Variants in SETBP1 observed in about 807,000 individuals in gnomAD.
SETBP1 encodes the protein SET-binding protein.
A neutral mutation model predicts 101.0 loss-of-function variants in SETBP1; 9 were observed. The ratio of observed to expected loss-of-function variants is 0.09; its 90% confidence interval spans 0.05 to 0.16. SETBP1 has a LOEUF of 0.16. Among genes scored for constraint, SETBP1 ranks in the 10% least tolerant of loss-of-function variants. The probability of loss-of-function intolerance (pLI) is 1.00; values close to 1 mark genes in which losing one functional copy is unlikely to be tolerated. For missense variants in SETBP1, 1,858 were observed against 2,033.8 expected, an observed-to-expected ratio of 0.91 and a Z score of 1.66; for synonymous variants, 818 against 788.5, an observed-to-expected ratio of 1.04 and a Z score of -0.63.
chr18:44,910,298 T>C (rs2070276496), intron 3 of SETBP1, among the ~76,000 whole-genome samples: 1 of 152,150 alleles, frequency 6.6e-6, no homozygotes. Flanking sequence ...GACTGACTCA[T>C]TCAAGAGATG....
chr18:45,056,551 TTGTC>T (rs1385833728), intron 5 of SETBP1, among the ~76,000 whole-genome samples: 1 of 152,188 alleles, frequency 6.6e-6, no homozygotes, highest in Non-Finnish European at 1.5e-5. Flanking sequence ...GCTCAGTAAA[TTGTC>T]TGGCTTCCTC....
chr18:44,826,766 G>A (rs2072248786), intron 2 of SETBP1, among the ~76,000 whole-genome samples: 1 of 152,124 alleles, frequency 6.6e-6, no homozygotes, highest in African/African-American at 2.4e-5. Flanking sequence ...CGGGTGGGGA[G>A]GAGTAGTGAA....
At chr18:44,891,634 C>A (rs1291415976) in intron 3 of SETBP1, among the ~76,000 whole-genome samples, 1 of 114,794 alleles carries the variant, frequency 8.7e-6, no homozygotes, top group African/African-American at 3.2e-5. Context: ...TGCAAATGTT[C>A]TATTCCTGAA....
At chr18:44,788,790 A>ATTTTTTTTTTTTTTTTTTTTTTTTTTTT (rs34929410) in intron 2 of SETBP1, among the ~76,000 whole-genome samples, 3 of 80,434 alleles carry the variant, frequency 3.7e-5, no homozygotes, top group Non-Finnish European at 2.2e-5. Context: ...TTCCTTTTTA[A>ATTTTTTTTTTTTTTTTTTTTTTTTTTTT]TTTTTTTTTT....
At position 44,722,426 on chromosome 18, in the gene SETBP1, C is replaced by T. The variant is rs147146701; in HGVS notation, c.486+20594C>T. On this transcript the variant is annotated intron_variant, in intron 2 of 5. Transcript: ENST00000649279. ...TGGTGTGTGTGAGCAAGAGGCAGAACGTATTTAGGGCAGCTTGTTATAAGC... is the reference window on the plus strand; with the variant it reads ...TGGTGTGTGTGAGCAAGAGGCAGAATGTATTTAGGGCAGCTTGTTATAAGC... Among the ~76,000 whole-genome samples the T allele has an allele frequency of 2.1e-3, 323 of 152,174 alleles. 3 individuals are homozygous for T. Among genetic ancestry groups the T allele is most frequent in the African/African-American group, 7.7e-3 (320 of 41,522 alleles).
chr18:44,971,721 T>C (rs929205990), intron 4 of SETBP1, among the ~76,000 whole-genome samples: 10 of 152,096 alleles, frequency 6.6e-5, no homozygotes, highest in African/African-American at 2.4e-4. Context: ...TTTGATGGGG[T>C]TGTTTGTTTT....
intron 2 of SETBP1, among the ~76,000 whole-genome samples, chr18:44,825,701 C>A (rs1410471339): frequency 6.6e-6 from 1 of 152,198 alleles, no homozygotes; most frequent in Non-Finnish European, 1.5e-5. Context: ...ATGGATGATG[C>A]AGATTTCTTG....
At chr18:44,829,974 A>T (rs1460578220) in intron 2 of SETBP1, among the ~76,000 whole-genome samples, 1 of 152,236 alleles carries the variant, frequency 6.6e-6, no homozygotes, top group South Asian at 2.1e-4. Context: ...TCTTTTTCTC[A>T]TGAAGGAGAG....
chr18:44,854,146 G>A (rs142025357), intron 2 of SETBP1, among the ~76,000 whole-genome samples: 2 of 151,914 alleles, frequency 1.3e-5, no homozygotes, highest in African/African-American at 4.8e-5. Flanking sequence ...TTGTTCATTG[G>A]CGTATCCCCA....
intron 2 of SETBP1, among the ~76,000 whole-genome samples, chr18:44,823,175 T>A (rs7234846): frequency 0.15 from 22,228 of 152,214 alleles, 2,524 homozygotes; most frequent in African/African-American, 0.32. Context: ...GCTCTTCATG[T>A]CTTATTAATT....
intron 4 of SETBP1, among the ~76,000 whole-genome samples, chr18:45,024,427 A>C (rs190413743): frequency 1.2e-3 from 183 of 152,190 alleles, no homozygotes; most frequent in African/African-American, 4.2e-3. Context: ...GCAGTCTGTG[A>C]ATCTTTGACT....
chr18:44,776,904 A>C (rs2071015331), intron 2 of SETBP1, among the ~76,000 whole-genome samples: 1 of 152,208 alleles, frequency 6.6e-6, no homozygotes, highest in Admixed American at 6.5e-5. Flanking sequence ...TGGGTGACTC[A>C]GTTTCCACAC....
intron 5 of SETBP1, among the ~76,000 whole-genome samples, chr18:45,060,030 G>A (rs1344677736): frequency 6.6e-6 from 1 of 152,128 alleles, no homozygotes; most frequent in Non-Finnish European, 1.5e-5. Flanking sequence ...ACTTAAACAT[G>A]TTTTTGTGAT....
At position 44,893,413 on chromosome 18, in the gene SETBP1, T is replaced by G. The variant is rs117868060; in HGVS notation, c.540+24130T>G. ...GCGTGGAGATGTTTGGTAACTTGCT[T>G]AAATTCACACAATTTGTAACTGAGA... is the stretch of plus-strand genomic sequence containing the variant. On this transcript the variant is annotated intron_variant, in intron 3 of 5. Transcript: ENST00000649279. Among the ~76,000 whole-genome samples, 855 of 152,286 alleles carry G rather than the reference T, an allele frequency of 5.6e-3. 1 individual carries two copies. The highest frequency in any genetic ancestry group is 0.014 in the Middle Eastern group (4 of 294).
chr18:45,039,849 TAAC>T (rs2073474179), intron 5 of SETBP1, among the ~76,000 whole-genome samples: 1 of 152,184 alleles, frequency 6.6e-6, no homozygotes, highest in Admixed American at 6.5e-5. Context: ...CCAGTTGAAA[TAAC>T]AGAAAGAAAC....
chr18:44,752,818 C>T (rs2070415292), intron 2 of SETBP1, among the ~76,000 whole-genome samples: 1 of 152,158 alleles, frequency 6.6e-6, no homozygotes, highest in African/African-American at 2.4e-5. Context: ...TGTCAATAGT[C>T]ATAAGTGGCC....
intron 3 of SETBP1, among the ~76,000 whole-genome samples, chr18:44,934,010 G>A (rs551619929): frequency 3.2e-4 from 48 of 152,276 alleles, no homozygotes; most frequent in African/African-American, 6.5e-4. Flanking sequence ...CGTCTTCTGC[G>A]TCACTCATGC....
chr18:44,805,198 G>A (rs1401467042), intron 2 of SETBP1, among the ~76,000 whole-genome samples: 3 of 152,078 alleles, frequency 2.0e-5, no homozygotes, highest in African/African-American at 7.2e-5. Flanking sequence ...AAATGTATCA[G>A]AAGACTTTAA....
intron 3 of SETBP1, among the ~76,000 whole-genome samples, chr18:44,921,930 G>A (rs925876374): frequency 1.3e-5 from 2 of 152,172 alleles, no homozygotes; most frequent in Non-Finnish European, 2.9e-5. Flanking sequence ...CAGGCATGTA[G>A]GATCTTTTGT....
Sources: allele counts gnomAD v4.1 joint callset (sites outside exome capture counted in the v4.1 genomes callset), GRCh38; gene constraint gnomAD v4.1.1; transcripts MANE v1.5; gene names NCBI Gene and HGNC (gene_info 2026-07-23, HGNC 2026-07-21).